The following TP73 variants were observed in gnomAD, a reference collection of about 807,000 sequenced individuals.
The protein encoded by TP73 is p53-like transcription factor.
A neutral mutation model predicts 62.5 loss-of-function variants in TP73; 25 were observed. The observed-to-expected ratio is 0.40, with a 90% CI of 0.29 to 0.56. TP73 has a LOEUF of 0.56. Ranked by LOEUF, TP73 falls within the 20% of genes least tolerant of loss-of-function variation. The probability of loss-of-function intolerance (pLI) is 0.46; values close to 1 mark genes in which losing one functional copy is unlikely to be tolerated. For synonymous variants in TP73, 423 were observed against 377.5 expected (o/e 1.12, Z -1.40); for missense variants, 754 against 913.3 (o/e 0.83, Z 2.25).
At chr1:3,706,127 G>A (rs1350664319) in intron 3 of TP73, among the ~76,000 whole-genome samples, 2 of 151,008 alleles carry the variant, frequency 1.3e-5, no homozygotes, top group African/African-American at 2.4e-5. Flanking sequence ...CCCCCGGCCC[G>A]CCTCCGCCTG....
intron 3 of TP73, among the ~76,000 whole-genome samples, chr1:3,704,145 C>A (rs995611586): frequency 6.6e-6 from 1 of 152,224 alleles, no homozygotes; most frequent in Non-Finnish European, 1.5e-5. Flanking sequence ...AATAGGAGCA[C>A]GGACTGAGGG....
chr1:3,688,452 G>A (rs1301816171), intron 3 of TP73, among the ~76,000 whole-genome samples: 1 of 152,188 alleles, frequency 6.6e-6, no homozygotes. Context: ...ACTGGTTCCT[G>A]AAGAGTGCCG....
intron 3 of TP73, among the ~76,000 whole-genome samples, chr1:3,704,914 C>T (rs1254873173): frequency 1.3e-5 from 2 of 152,232 alleles, no homozygotes; most frequent in Non-Finnish European, 2.9e-5. Flanking sequence ...AACCAGACAC[C>T]AGGAGGAGCA....
chr1:3,700,253 CCA>C (rs752402966), intron 3 of TP73, among the ~76,000 whole-genome samples: 11 of 151,930 alleles, frequency 7.2e-5, no homozygotes, highest in Non-Finnish European at 1.2e-4. Flanking sequence ...GGAGATGTGG[CCA>C]GAGTCATTGT....
chr1:3,732,543 G>A (rs1452802712), intron 13 of TP73, among the ~76,000 whole-genome samples: 1 of 150,246 alleles, frequency 6.7e-6, no homozygotes, highest in Admixed American at 6.6e-5. Context: ...GGGGCTCCAT[G>A]TCTAACACTC....
rs535574673 is a variant in TP73 at position 3,721,522 on chromosome 1, C to T, written c.430-499C>T. Reference sequence around the variant, plus strand: ...GAAGCTTGAATGCATAGTGGGCAACCAGCCCATCACACATTAACCACTTGC... The same window carrying T: ...GAAGCTTGAATGCATAGTGGGCAACTAGCCCATCACACATTAACCACTTGC... On this transcript the variant is annotated intron_variant, in intron 4 of 13. Transcript: ENST00000378295. Among the ~76,000 whole-genome samples, 8 of 152,360 alleles carry T rather than the reference C, an allele frequency of 5.3e-5. No homozygotes were observed. The East Asian group carries it at 1.5e-3, about 29-fold the overall frequency.
At chr1:3,685,885 C>T (rs1645641818) in intron 3 of TP73, among the ~76,000 whole-genome samples, 2 of 152,238 alleles carry the variant, frequency 1.3e-5, no homozygotes, top group East Asian at 1.9e-4. Flanking sequence ...ACCTGCAGCT[C>T]AGGGGCCCAG....
Position 3,727,689 on chromosome 1 carries a change from C to G in TP73, c.904C>G (p.Arg302Gly). The change falls in exon 8 of 14, where the codon CGA becomes GGA. Residue 302 changes from arginine to glycine, a missense_variant. Transcript: ENST00000378295. ...CATCTGCGCCTGTCCTGGCCGCGACCGAAAAGCTGATGAGGACCACTACCG... is the reference window on the plus strand; with the variant it reads ...CATCTGCGCCTGTCCTGGCCGCGACGGAAAAGCTGATGAGGACCACTACCG... Reference protein sequence around the residue: ...GRICACPGRDRKADEDHYREQ... With the variant: ...GRICACPGRDGKADEDHYREQ... 6.3e-7 allele frequency: 1 copy of G among 1,591,842 alleles called. No individual in the cohort carries two copies. Among genetic ancestry groups the G allele is most frequent in the Non-Finnish European group, 8.5e-7 (1 of 1,171,468 alleles).
At chr1:3,656,860 C>T (rs886189489) in intron 1 of TP73, among the ~76,000 whole-genome samples, 1 of 152,240 alleles carries the variant, frequency 6.6e-6, no homozygotes, top group African/African-American at 2.4e-5. Context: ...AGCATTTCCT[C>T]TAGTTTTGAA....
At chr1:3,675,031 C>T (rs1449546812) in intron 1 of TP73, among the ~76,000 whole-genome samples, 1 of 148,396 alleles carries the variant, frequency 6.7e-6, no homozygotes, top group African/African-American at 2.5e-5. Context: ...CCCACAATGG[C>T]CCAGGTGTCT....
At chr1:3,702,565 C>T (rs1488851004) in intron 3 of TP73, among the ~76,000 whole-genome samples, 1 of 152,216 alleles carries the variant, frequency 6.6e-6, no homozygotes, top group Admixed American at 6.5e-5. Context: ...AGAGATGAGG[C>T]CTCCTGGGTG....
At chr1:3,685,707 C>A (rs907906722) in intron 3 of TP73, among the ~76,000 whole-genome samples, 2 of 152,222 alleles carry the variant, frequency 1.3e-5, no homozygotes, top group Admixed American at 6.5e-5. Context: ...GGCCCCTGGC[C>A]CGCTAACTCC....
chr1:3,667,426 T>G (rs904372447), intron 1 of TP73, among the ~76,000 whole-genome samples: 2 of 152,202 alleles, frequency 1.3e-5, no homozygotes, highest in African/African-American at 4.8e-5. Context: ...CACATCCGCA[T>G]GGTCCCCTCT....
At chr1:3,660,854 GATGACATC>G (rs1644973890) in intron 1 of TP73, among the ~76,000 whole-genome samples, 1 of 152,226 alleles carries the variant, frequency 6.6e-6, no homozygotes, top group Non-Finnish European at 1.5e-5. Flanking sequence ...CTAAAGATGT[GATGACATC>G]ATTACAATGT....
intron 1 of TP73, among the ~76,000 whole-genome samples, chr1:3,681,278 C>T (rs1024480351): frequency 5.3e-5 from 8 of 152,192 alleles, no homozygotes; most frequent in African/African-American, 1.4e-4. Context: ...CCAAGCCTGT[C>T]CCATAGCACC....
chr1:3,673,033 G>A (rs893823025), intron 1 of TP73, among the ~76,000 whole-genome samples: 1 of 152,206 alleles, frequency 6.6e-6, no homozygotes, highest in African/African-American at 2.4e-5. Flanking sequence ...AGACATACAT[G>A]ATTTGCCTCC....
At chr1:3,661,818 A>T (rs942343691) in intron 1 of TP73, among the ~76,000 whole-genome samples, 8 of 147,740 alleles carry the variant, frequency 5.4e-5, no homozygotes, top group Non-Finnish European at 1.0e-4. Context: ...TATATGTATT[A>T]TATATATACA....
Position 3,668,916 on chromosome 1 carries a change from G to A in TP73, c.-33-13417G>A, listed in dbSNP as rs150998129. ...GGGGAGCAGGGATGCAGGGTGGCGC[G>A]TGCATGCCAGGTGGCAGGCGGCAGG... On this transcript the variant is annotated intron_variant, in intron 1 of 13. Coordinates refer to ENST00000378295, the MANE Select transcript of TP73 (RefSeq NM_005427.4). 5.1e-3 allele frequency: 779 copies of A among 152,874 alleles called. 3 individuals carry two copies. Among genetic ancestry groups the A allele is most frequent in the Non-Finnish European group, 8.7e-3 (598 of 68,456 alleles). The allele number at this position is 152,874 out of a possible 1,614,324, so 9.5% of individuals were successfully genotyped here.
At chr1:3,717,669 G>T (rs1464227212) in intron 4 of TP73, among the ~76,000 whole-genome samples, 1 of 152,200 alleles carries the variant, frequency 6.6e-6, no homozygotes, top group African/African-American at 2.4e-5. Flanking sequence ...CTAGAGGCCT[G>T]CTGGGGAGAC....
Sources: allele counts gnomAD v4.1 joint callset (sites outside exome capture counted in the v4.1 genomes callset), GRCh38; gene constraint gnomAD v4.1.1; transcripts MANE v1.5; gene names NCBI Gene and HGNC (gene_info 2026-07-23, HGNC 2026-07-21).